Variants in ANKRD30B observed in about 807,000 individuals in gnomAD.
The protein encoded by ANKRD30B is ankyrin repeat domain 30B.
A neutral mutation model predicts 202.2 loss-of-function variants in ANKRD30B; 144 were observed. That is an observed-to-expected ratio of 0.71 (90% confidence interval 0.62 to 0.82). The LOEUF (loss-of-function observed/expected upper bound fraction) is 0.82, where lower values mean the gene tolerates loss of function less well. Among genes scored for constraint, ANKRD30B ranks in the 40% least tolerant of loss-of-function variants. The probability of loss-of-function intolerance (pLI) is 0.00; values close to 1 mark genes in which losing one functional copy is unlikely to be tolerated. For missense variants in ANKRD30B, 1,487 were observed against 1,669.1 expected (o/e 0.89, Z 1.90); for synonymous variants, 508 against 561.3 (o/e 0.91, Z 1.34).
chr18:14,848,727 C>T lies in ANKRD30B; in HGVS notation c.3193C>T (p.Leu1065=), dbSNP rs945446615. 4.5e-6 allele frequency: 7 copies of T among 1,541,414 alleles called. No homozygotes were observed. The African/African-American group carries it at 7.0e-5, about 15-fold the overall frequency. ...KQTLRADSTT[L]SKILDALPSC... is the part of the protein sequence containing the mutation. ...CCTCCTTGAGACAGATTCAACTACC[C>T]TATCAAAAATCTTGGATGCACTTCC... Residue 1065 remains leucine (L), a synonymous_variant, in exon 40 of 44, where the codon CTA becomes TTA. Transcript: ENST00000690538.
the ANKRD30B span, among the ~76,000 whole-genome samples, chr18:14,862,516 T>C: frequency 6.6e-6 from 1 of 151,964 alleles, no homozygotes; most frequent in African/African-American, 2.4e-5. Flanking sequence ...CTAGAGAAAA[T>C]GGATAAATTC....
the ANKRD30B span, among the ~76,000 whole-genome samples, chr18:14,871,744 A>T: frequency 6.6e-6 from 1 of 152,130 alleles, no homozygotes; most frequent in Non-Finnish European, 1.5e-5. Flanking sequence ...AAAAATATTA[A>T]AAATTAGCCA....
At position 14,752,641 on chromosome 18, in the gene ANKRD30B, T is replaced by C. The variant is rs775376360; in HGVS notation, c.297T>C (p.Leu99=). Residue 99 remains leucine, a synonymous_variant, in exon 2 of 44, where the codon CTT becomes CTC. Coordinates refer to ENST00000690538, the MANE Select transcript of ANKRD30B (RefSeq NM_001367607.2). ...TTCTGGTAGACAGAAAGTGCCAGCT[T>C]AATGTCCTTGATGGCGAAGGGAGGA... ...VTFLVDRKCQ[L]NVLDGEGRTP... 1 of 1,610,418 alleles carries C rather than the reference T, an allele frequency of 6.2e-7. No individual in the cohort carries two copies. Among genetic ancestry groups the C allele is most frequent in the Non-Finnish European group, 8.5e-7 (1 of 1,177,862 alleles).
chr18:14,919,418 G>A, the ANKRD30B span, among the ~76,000 whole-genome samples: 1 of 152,150 alleles, frequency 6.6e-6, no homozygotes, highest in Non-Finnish European at 1.5e-5. Flanking sequence ...CCTGCTCTGG[G>A]CTGCTCTTGA....
chr18:14,869,856 G>A, the ANKRD30B span, among the ~76,000 whole-genome samples: 112 of 151,962 alleles, frequency 7.4e-4, no homozygotes, highest in Non-Finnish European at 1.3e-3. Flanking sequence ...TTTTCTAGAG[G>A]TGGGGTCTCA....
At chr18:14,834,544 C>T (rs1341833087) in intron 34 of ANKRD30B, among the ~76,000 whole-genome samples, 1 of 151,868 alleles carries the variant, frequency 6.6e-6, no homozygotes, top group East Asian at 1.9e-4. Context: ...GAAAACATAG[C>T]CAGCTAATAA....
intron 20 of ANKRD30B, 104 bp downstream of exon 20, chr18:14,797,958 T>C: frequency 1.8e-6 from 2 of 1,097,456 alleles, no homozygotes; most frequent in South Asian, 3.2e-5. Flanking sequence ...GAAAATTTGA[T>C]GGGAAAATTT....
At chr18:14,755,186 G>GTA (rs1351339717) in intron 4 of ANKRD30B, among the ~76,000 whole-genome samples, 181 bp downstream of exon 4, 1 of 152,076 alleles carries the variant, frequency 6.6e-6, no homozygotes. Flanking sequence ...AAAAAACAGT[G>GTA]TATAGTAGGA....
intron 20 of ANKRD30B, among the ~76,000 whole-genome samples, chr18:14,798,709 C>T (rs1969096853): frequency 6.6e-6 from 1 of 152,154 alleles, no homozygotes; most frequent in Non-Finnish European, 1.5e-5. Flanking sequence ...GAGCTATGAA[C>T]ATATGCCTTT....
chr18:14,877,119 G>C, the ANKRD30B span, among the ~76,000 whole-genome samples: 1 of 152,232 alleles, frequency 6.6e-6, no homozygotes, highest in Non-Finnish European at 1.5e-5. Context: ...AAAACCACAG[G>C]AGCAGTACCA....
chr18:14,862,099 CAT>C, the ANKRD30B span, among the ~76,000 whole-genome samples: 1 of 151,856 alleles, frequency 6.6e-6, no homozygotes, highest in Non-Finnish European at 1.5e-5. Flanking sequence ...AAAATAGAAA[CAT>C]AACATACCAA....
At chr18:14,881,194 C>G in the ANKRD30B span, among the ~76,000 whole-genome samples, 24 of 152,172 alleles carry the variant, frequency 1.6e-4, no homozygotes, top group African/African-American at 2.9e-4. Flanking sequence ...CACCTTTTCC[C>G]CATTCAGTAT....
chr18:14,751,547 G>GT (rs57497008), intron 1 of ANKRD30B, among the ~76,000 whole-genome samples: 138,332 of 152,032 alleles, frequency 0.91, 63,031 homozygotes, highest in Admixed American at 0.93. Context: ...TACCAACCAG[G>GT]TTTTGGAAAT....
In ANKRD30B at chr18:14,748,482, C is replaced by T; in HGVS notation, c.63C>T (p.Phe21=). 1 of 1,547,328 alleles carries T rather than the reference C, an allele frequency of 6.5e-7. No individual in the cohort carries two copies. Among genetic ancestry groups the T allele is most frequent in the Admixed American group, 2.0e-5 (1 of 50,532 alleles). ...GVRGPEPPNP[F]SERVYTEKDY... is the part of the protein sequence containing the mutation. ...GGGGCCCGGAGCCCCCGAACCCCTTCAGCGAACGGGTCTACACTGAGAAGG... is the reference window on the plus strand; with the variant it reads ...GGGGCCCGGAGCCCCCGAACCCCTTTAGCGAACGGGTCTACACTGAGAAGG... The change falls in exon 1 of 44, where the codon TTC becomes TTT. Residue 21 remains phenylalanine, a synonymous_variant. Transcript: ENST00000690538.
the ANKRD30B span, among the ~76,000 whole-genome samples, chr18:14,931,920 TCCTGCTCTGTCCCGGGCCCCCCACCCCA>T: frequency 1.7e-4 from 18 of 107,636 alleles, no homozygotes; most frequent in South Asian, 3.4e-4. Context: ...CCCACCTCCC[TCCTGCTCTGTCCCGGGCCCCCCACCCCA>T]CCTCCCTCCT....
chr18:14,798,952 A>G (rs1969120421), intron 20 of ANKRD30B, 149 bp from the exon 21 acceptor site: 1 of 864,904 alleles, frequency 1.2e-6, no homozygotes, highest in Non-Finnish European at 1.9e-6. Flanking sequence ...GTTAACAAAT[A>G]CAATAACCCA....
At chr18:14,891,363 A>G in the ANKRD30B span, among the ~76,000 whole-genome samples, 3 of 145,716 alleles carry the variant, frequency 2.1e-5, no homozygotes, top group Non-Finnish European at 4.5e-5. Context: ...TATATGTTGC[A>G]TATAAAGCCC....
chr18:14,809,437 A>T (rs781603992), intron 26 of ANKRD30B, among the ~76,000 whole-genome samples: 1 of 150,900 alleles, frequency 6.6e-6, no homozygotes, highest in Non-Finnish European at 1.5e-5. Context: ...TTAGACCAGA[A>T]ATTCTCAGAA....
rs144697607 is a variant in ANKRD30B at position 14,749,576 on chromosome 18, C to T, written c.221+936C>T. Among the ~76,000 whole-genome samples the T allele has an allele frequency of 2.6e-3, 374 of 143,592 alleles. 5 individuals carry two copies. The highest frequency in any genetic ancestry group is 0.026 in the East Asian group (116 of 4,458). 94.2% of individuals were successfully genotyped at this position (143,592 alleles called of 152,430 possible). A position where few individuals can be genotyped will look rare whatever the true frequency, so the allele number is the denominator to read the frequency against. On this transcript the variant is annotated intron_variant, in intron 1 of 43. Transcript: ENST00000690538. The stretch of plus-strand genomic sequence containing the variant: ...ATCCCAGCTACTTGGGAGGCTGAGG[C>T]GGGAGAATTGCTTCAACCTGGTAGG...
Sources: gnomAD v4.1 joint callset for allele counts (sites outside exome capture counted in the v4.1 genomes callset) on GRCh38, gnomAD v4.1.1 for gene constraint, MANE v1.5 for transcripts, NCBI Gene and HGNC (gene_info 2026-07-23, HGNC 2026-07-21) for gene names.